ITGB5: variants seen among roughly 807,000 people sequenced by gnomAD.
The protein encoded by ITGB5 is integrin subunit beta 5.
Under a neutral mutation model 84.8 loss-of-function variants are expected in ITGB5, and 38 were observed. The ratio of observed to expected loss-of-function variants is 0.45; its 90% confidence interval spans 0.35 to 0.59. ITGB5 has a LOEUF of 0.59. Ranked by LOEUF, ITGB5 falls within the 20% of genes least tolerant of loss-of-function variation. The pLI is 0.01. For missense variants in ITGB5, 905 were observed against 1,034.5 expected (o/e 0.87, Z 1.72); for synonymous variants, 393 against 414.4 (o/e 0.95, Z 0.63).
intron 10 of ITGB5, among the ~76,000 whole-genome samples, chr3:124,777,912 T>G (rs1463423027): frequency 6.6e-6 from 1 of 152,204 alleles, no homozygotes; most frequent in Non-Finnish European, 1.5e-5. Context: ...CATCTTCTGG[T>G]CAGCCCCAGA....
chr3:124,773,387 C>CCAA (rs2063876347), intron 11 of ITGB5, among the ~76,000 whole-genome samples: 1 of 152,218 alleles, frequency 6.6e-6, no homozygotes, highest in South Asian at 2.1e-4. Flanking sequence ...ATTTTTGGTA[C>CCAA]CAACACCAAT....
chr3:124,827,902 C>A (rs2064805845), intron 5 of ITGB5, among the ~76,000 whole-genome samples: 1 of 151,572 alleles, frequency 6.6e-6, no homozygotes, highest in South Asian at 2.1e-4. Context: ...CCTTGTGACC[C>A]CCACCCCTGC....
Position 124,828,091 on chromosome 3 carries a change from T to A in ITGB5, c.781-6617A>T, listed in dbSNP as rs191315365. 8.6e-4 allele frequency among the ~76,000 whole-genome samples: 131 copies of A among 152,024 alleles called. 1 individual carries two copies. The highest frequency in any genetic ancestry group is 2.4e-3 in the Admixed American group (37 of 15,262). On this transcript the variant is annotated intron_variant, in intron 5 of 14. Coordinates refer to ENST00000296181, the MANE Select transcript of ITGB5 (RefSeq NM_002213.5). Reference sequence around the variant, plus strand: ...TGTTCGCGCAAAGCCTGTTTGGTGGTCTCTTCACAGGGACGTGCGTGAAAC... The same window carrying A: ...TGTTCGCGCAAAGCCTGTTTGGTGGACTCTTCACAGGGACGTGCGTGAAAC...
intron 10 of ITGB5, chr3:124,791,995 T>C (rs754646466): frequency 6.6e-5 from 10 of 152,192 alleles, no homozygotes; most frequent in Non-Finnish European, 8.8e-5. Context: ...GAACATGTTA[T>C]CAAGTCCTGC....
intron 10 of ITGB5, among the ~76,000 whole-genome samples, chr3:124,781,773 A>C (rs2064009422): frequency 6.6e-6 from 1 of 151,984 alleles, no homozygotes; most frequent in Admixed American, 6.6e-5. Context: ...CACCCCTAGA[A>C]CTCAGCTTTG....
At chr3:124,829,642 T>A (rs977428388) in intron 5 of ITGB5, among the ~76,000 whole-genome samples, 2 of 152,208 alleles carry the variant, frequency 1.3e-5, no homozygotes, top group Non-Finnish European at 2.9e-5. Flanking sequence ...CAAACTGGCA[T>A]GTCCTCCCAG....
rs2063880826 is a variant in ITGB5 at position 124,773,689 on chromosome 3, C to T, written c.1916+1G>A. On this transcript the variant is annotated splice_donor_variant, in intron 11 of 14. Transcript: ENST00000296181. LOFTEE classifies it high-confidence loss of function. ...GGTGGGGCTGTCAGTGGAACCAGTA[C>T]CTCTTGGTGCTGCATGCATCCGGGC... 1.9e-6 allele frequency: 3 copies of T among 1,611,920 alleles called. No individual in the cohort carries two copies. The highest frequency in any genetic ancestry group is 2.2e-5 in the East Asian group (1 of 44,876).
chr3:124,844,487 G>A (rs2065052222), intron 4 of ITGB5, among the ~76,000 whole-genome samples: 1 of 152,122 alleles, frequency 6.6e-6, no homozygotes, highest in Admixed American at 6.5e-5. Flanking sequence ...TTGAACCCAG[G>A]AGGTGGAGGT....
intron 10 of ITGB5, among the ~76,000 whole-genome samples, chr3:124,785,379 C>T (rs2064065960): frequency 6.6e-6 from 1 of 151,880 alleles, no homozygotes; most frequent in Non-Finnish European, 1.5e-5. Flanking sequence ...GTCAGGAGTT[C>T]GAGACCAGTC....
chr3:124,830,291 TC>T (rs1334952291), intron 5 of ITGB5, among the ~76,000 whole-genome samples: 1 of 152,172 alleles, frequency 6.6e-6, no homozygotes, highest in African/African-American at 2.4e-5. Context: ...CTGGTCTCGG[TC>T]CCACCTGACT....
chr3:124,859,429 C>A lies in ITGB5; in HGVS notation c.174G>T (p.Arg58=). The change falls in exon 3 of 15, where the codon CGG becomes CGT. Residue 58 remains arginine, a synonymous_variant. Coordinates refer to ENST00000296181, the MANE Select transcript of ITGB5 (RefSeq NM_002213.5). The stretch of plus-strand genomic sequence containing the variant: ...TCAGATCACACCGAGAGGTGATGGA[C>A]CGTGGGCTTCCGAAGTCCTAGGCAG... ...WCSKEDFGSP[R]SITSRCDLRA... 1 of 1,613,842 alleles carries A rather than the reference C, an allele frequency of 6.2e-7. No homozygotes were observed. Among genetic ancestry groups the A allele is most frequent in the Non-Finnish European group, 8.5e-7 (1 of 1,179,938 alleles).
At chr3:124,850,229 G>T (rs1434638905) in intron 3 of ITGB5, among the ~76,000 whole-genome samples, 8 of 151,844 alleles carry the variant, frequency 5.3e-5, no homozygotes, top group Admixed American at 2.0e-4. Flanking sequence ...ATGATCAAAA[G>T]ATTTTAGTTC....
At chr3:124,898,669 A>AAT (rs1185138050) in intron 1 of ITGB5, among the ~76,000 whole-genome samples, 1 of 146,504 alleles carries the variant, frequency 6.8e-6, no homozygotes, top group African/African-American at 2.5e-5. Context: ...AAAAAAAAAA[A>AAT]AGAAAATGAC....
At chr3:124,831,299 T>C (rs1272296159) in intron 5 of ITGB5, among the ~76,000 whole-genome samples, 6 of 152,180 alleles carry the variant, frequency 3.9e-5, no homozygotes, top group Admixed American at 3.9e-4. Flanking sequence ...ACAGAGGAAC[T>C]AGGCTGGAAA....
rs146524690 is a variant in ITGB5 at position 124,848,339 on chromosome 3, G to A, written c.581C>T (p.Ala194Val). ...DKDISPFSYTAPRYQTNPCIG... is the reference protein window; with the variant it reads ...DKDISPFSYTVPRYQTNPCIG... ...GCACGGATTGGTCTGGTACCTCGGT[G>A]CCGTGTAGGAGAAAGGAGAGATGTC... is the stretch of plus-strand genomic sequence containing the variant. The change falls in exon 4 of 15, where the codon GCA becomes GTA. Residue 194 changes from alanine to valine, a missense_variant. Ala to Val is a moderately conservative substitution (Grantham distance 64). This residue lies in a region of ITGB5 where 656 missense variants were observed against 734.7 expected (regional missense o/e 0.89). Transcript: ENST00000296181. The A allele has an allele frequency of 1.7e-4, 275 of 1,614,192 alleles. No individual in the cohort carries two copies. The highest frequency in any genetic ancestry group is 2.2e-4 in the Non-Finnish European group (259 of 1,180,026).
intron 1 of ITGB5, among the ~76,000 whole-genome samples, chr3:124,877,137 A>ATT (rs34843039): frequency 0.45 from 57,493 of 126,632 alleles, 14,013 homozygotes; most frequent in African/African-American, 0.59. Context: ...CACCTGGCTA[A>ATT]TTTTTTTTTT....
chr3:124,895,555 C>T (rs563656486), intron 1 of ITGB5, among the ~76,000 whole-genome samples: 248 of 152,216 alleles, frequency 1.6e-3, no homozygotes, highest in African/African-American at 5.6e-3. Context: ...ATACTAGTGG[C>T]CTTTAAAACA....
chr3:124,764,914 G>GTACATGGTTTC (rs2063745479), intron 13 of ITGB5, among the ~76,000 whole-genome samples: 1 of 152,190 alleles, frequency 6.6e-6, no homozygotes, highest in South Asian at 2.1e-4. Context: ...GGGCAGGCAG[G>GTACATGGTTTC]AGGTACCATG....
chr3:124,765,455 T>C (rs2063752660), intron 13 of ITGB5, among the ~76,000 whole-genome samples: 1 of 152,240 alleles, frequency 6.6e-6, no homozygotes, highest in African/African-American at 2.4e-5. Flanking sequence ...AGCTGGATGC[T>C]CCCTGACTTG....
Sources: allele counts gnomAD v4.1 joint callset (sites outside exome capture counted in the v4.1 genomes callset), GRCh38; gene constraint gnomAD v4.1.1; regional missense constraint gnomAD v4.1.1; transcripts MANE v1.5; gene names NCBI Gene and HGNC (gene_info 2026-07-23, HGNC 2026-07-21).